The following FHOD3 variants were observed in gnomAD, a reference collection of about 807,000 sequenced individuals.
FHOD3 encodes the protein formin homology 2 domain containing 3.
Under a neutral mutation model 173.0 loss-of-function variants are expected in FHOD3, and 90 were observed. The observed-to-expected ratio is 0.52, with a 90% confidence interval of 0.44 to 0.62. FHOD3 has a LOEUF of 0.62. Among genes scored for constraint, FHOD3 ranks in the 20% least tolerant of loss-of-function variants. The pLI is 0.00. For synonymous variants in FHOD3, 828 were observed against 823.0 expected (o/e 1.01, Z -0.10); for missense variants, 1,945 against 2,034.7 (o/e 0.96, Z 0.85).
intron 3 of FHOD3, 116 bp from the exon 4 acceptor site, chr18:36,501,816 G>T: frequency 2.9e-6 from 2 of 688,598 alleles, no homozygotes; most frequent in Non-Finnish European, 4.8e-6. Flanking sequence ...TGAATGAAAT[G>T]AATAGGCTTT....
At chr18:36,770,262 A>T (rs2043320108) in intron 28 of FHOD3, among the ~76,000 whole-genome samples, 1 of 152,226 alleles carries the variant, frequency 6.6e-6, no homozygotes, top group Non-Finnish European at 1.5e-5. Flanking sequence ...CAAGGAAAGA[A>T]GCCAGTGGCT....
chr18:36,527,104 G>T (rs768568356), intron 5 of FHOD3, among the ~76,000 whole-genome samples: 1 of 152,160 alleles, frequency 6.6e-6, no homozygotes, highest in East Asian at 1.9e-4. Context: ...AACACTGGCC[G>T]GCTGGCTGTT....
intron 5 of FHOD3, among the ~76,000 whole-genome samples, chr18:36,572,615 T>C (rs1411279601): frequency 6.6e-6 from 1 of 152,238 alleles, no homozygotes; most frequent in Non-Finnish European, 1.5e-5. Context: ...ATCCAGTTAA[T>C]AGAATGTTGC....
At chr18:36,463,109 G>C (rs1251919253) in intron 3 of FHOD3, among the ~76,000 whole-genome samples, 1 of 151,842 alleles carries the variant, frequency 6.6e-6, no homozygotes, top group Non-Finnish European at 1.5e-5. Flanking sequence ...CTTTTTAAAA[G>C]ATTGACAACT....
intron 7 of FHOD3, among the ~76,000 whole-genome samples, chr18:36,599,501 T>C (rs1284004801): frequency 6.6e-6 from 1 of 152,200 alleles, no homozygotes; most frequent in East Asian, 1.9e-4. Flanking sequence ...CTCTTTCCAC[T>C]GTTATTTATA....
intron 14 of FHOD3, among the ~76,000 whole-genome samples, chr18:36,665,307 T>A (rs1180742857): frequency 6.6e-6 from 1 of 152,192 alleles, no homozygotes; most frequent in Non-Finnish European, 1.5e-5. Flanking sequence ...ATTGAGTGTA[T>A]CGATTGAATC....
chr18:36,718,346 G>A lies in FHOD3; in HGVS notation c.3048G>A (p.Arg1016=). Residue 1016 remains arginine, a synonymous_variant, in exon 19 of 29, where the codon AGG becomes AGA. Coordinates refer to ENST00000590592, the MANE Select transcript of FHOD3 (RefSeq NM_001281740.3). ...TCCTAGATGTGGACCTGGGTCACAG[G>A]GAGGCCCCTGGGCCACCTCCCCCAC... ...IDVLDVDLGH[R]EAPGPPPPPP... 6.2e-7 allele frequency: 1 copy of A among 1,612,730 alleles called. No homozygotes were observed. Among genetic ancestry groups the A allele is most frequent in the Non-Finnish European group, 8.5e-7 (1 of 1,179,524 alleles).
chr18:36,582,829 G>A (rs958722868), intron 6 of FHOD3, among the ~76,000 whole-genome samples: 5 of 152,252 alleles, frequency 3.3e-5, no homozygotes, highest in African/African-American at 4.8e-5. Context: ...TGTTGCCTCC[G>A]TTTGAACCGG....
intron 3 of FHOD3, among the ~76,000 whole-genome samples, chr18:36,393,270 A>G (rs1198755953): frequency 2.0e-5 from 3 of 152,108 alleles, no homozygotes; most frequent in Non-Finnish European, 2.9e-5. Flanking sequence ...TATTTCCATC[A>G]CTGCATTTAG....
chr18:36,486,987 T>A (rs1373452485), intron 3 of FHOD3, among the ~76,000 whole-genome samples: 1 of 152,232 alleles, frequency 6.6e-6, no homozygotes, highest in African/African-American at 2.4e-5. Flanking sequence ...CAGTAGTCTA[T>A]ATTGCTGATT....
chr18:36,592,892 G>A (rs2059273751), intron 6 of FHOD3, among the ~76,000 whole-genome samples: 1 of 152,182 alleles, frequency 6.6e-6, no homozygotes, highest in South Asian at 2.1e-4. Context: ...TATGATGCCT[G>A]CTCAGGAGTT....
At chr18:36,485,710 C>T (rs1383430578) in intron 3 of FHOD3, among the ~76,000 whole-genome samples, 1 of 152,170 alleles carries the variant, frequency 6.6e-6, no homozygotes, top group Non-Finnish European at 1.5e-5. Flanking sequence ...TGGACAACAT[C>T]GTGTTGGTTG....
intron 3 of FHOD3, among the ~76,000 whole-genome samples, chr18:36,459,376 G>A (rs2052417191): frequency 6.6e-6 from 1 of 152,246 alleles, no homozygotes; most frequent in Non-Finnish European, 1.5e-5. Context: ...GAGTGCAGGA[G>A]AGAGTGATCA....
In FHOD3 at chr18:36,742,793, T is replaced by G; in HGVS notation, c.3816T>G (p.Asn1272Lys). The part of the protein sequence containing the change: ...LKEGIDQLEN[N>K]KTLGFILSTL... The stretch of plus-strand genomic sequence containing the variant: ...AAGGAATAGACCAGTTGGAGAACAA[T>G]AAAACCTTGGGCTTTATCCTGTCTA... Residue 1272 changes from asparagine (N) to lysine (K), a missense_variant, in exon 22 of 29, where the codon AAT becomes AAG. By Grantham distance (94) the Asn-to-Lys change is moderately conservative. Coordinates refer to ENST00000590592, the MANE Select transcript of FHOD3 (RefSeq NM_001281740.3). 1 of 1,613,992 alleles carries G rather than the reference T, an allele frequency of 6.2e-7. No homozygotes were observed. Among genetic ancestry groups the G allele is most frequent in the Non-Finnish European group, 8.5e-7 (1 of 1,179,952 alleles).
chr18:36,388,579 G>A (rs542806826), intron 3 of FHOD3, among the ~76,000 whole-genome samples: 77 of 152,262 alleles, frequency 5.1e-4, no homozygotes, highest in Middle Eastern at 3.4e-3. Flanking sequence ...GCAGAGCCTG[G>A]GTTGTGGAGG....
chr18:36,653,831 A>G (rs1285722930), intron 13 of FHOD3, among the ~76,000 whole-genome samples: 1 of 152,204 alleles, frequency 6.6e-6, no homozygotes, highest in Non-Finnish European at 1.5e-5. Flanking sequence ...TTTATTGAGC[A>G]TTGTTTTTGA....
chr18:36,388,050 C>G (rs1193943334), intron 3 of FHOD3, among the ~76,000 whole-genome samples: 2 of 152,116 alleles, frequency 1.3e-5, no homozygotes, highest in Non-Finnish European at 2.9e-5. Context: ...TTGGAGAACT[C>G]TCTATATAAA....
chr18:36,765,344 T>A (rs1413245448), intron 27 of FHOD3, among the ~76,000 whole-genome samples: 1 of 152,142 alleles, frequency 6.6e-6, no homozygotes, highest in East Asian at 1.9e-4. Flanking sequence ...CCTCACTGTA[T>A]CTGTTAATAG....
Position 36,625,574 on chromosome 18 carries a change from C to T in FHOD3, c.1021C>T (p.Arg341Trp), listed in dbSNP as rs574004851. 63 of 1,538,688 alleles carry T rather than the reference C, an allele frequency of 4.1e-5. 1 individual carries two copies. The Middle Eastern group carries it at 1.9e-3, about 47-fold the overall frequency. The change falls in exon 10 of 29, where the codon CGG becomes TGG. Residue 341 changes from arginine to tryptophan, a missense_variant. By Grantham distance (101) the Arg-to-Trp change is moderately radical (BLOSUM62 -3). Transcript: ENST00000590592. ...TEPPPSGCRDRRRASVCSSGG... is the reference protein window; with the variant it reads ...TEPPPSGCRDWRRASVCSSGG... ...GCCACCCCCCAGTGGGTGCCGGGAC[C>T]GGAGGAGGGCCAGCGTGTGTTCCAG...
Sources: allele counts gnomAD v4.1 joint callset (sites outside exome capture counted in the v4.1 genomes callset), GRCh38; gene constraint gnomAD v4.1.1; transcripts MANE v1.5; gene names NCBI Gene and HGNC (gene_info 2026-07-23, HGNC 2026-07-21).